Variants in FHIT observed in about 807,000 individuals in gnomAD.
FHIT encodes bis(5'-adenosyl)-triphosphatase.
FHIT carries 19 observed loss-of-function variants against 17.9 expected under a neutral mutation model. The ratio of observed to expected loss-of-function variants is 1.06; its 90% confidence interval spans 0.74 to 1.56. The LOEUF (loss-of-function observed/expected upper bound fraction) is 1.56, where lower values mean the gene tolerates loss of function less well. Ranked by LOEUF, FHIT falls within the 40% of genes most tolerant of loss-of-function variation. The pLI is 0.00. For synonymous variants in FHIT, 81 were observed against 69.7 expected (o/e 1.16, Z -0.81); for missense variants, 248 against 189.2 (o/e 1.31, Z -1.82).
At chr3:60,323,520 T>C (rs920812453) in intron 5 of FHIT, among the ~76,000 whole-genome samples, 1 of 152,076 alleles carries the variant, frequency 6.6e-6, no homozygotes, top group Admixed American at 6.5e-5. Context: ...AACATCGCCC[T>C]GCAGGCTGGA....
At chr3:60,670,405 T>C (rs568677086) in intron 4 of FHIT, among the ~76,000 whole-genome samples, 2 of 152,326 alleles carry the variant, frequency 1.3e-5, no homozygotes, top group Non-Finnish European at 2.9e-5. Context: ...TGGGATAACC[T>C]TCTTTATTTC....
intron 5 of FHIT, among the ~76,000 whole-genome samples, chr3:60,458,051 A>G (rs1196242180): frequency 1.3e-5 from 2 of 152,196 alleles, no homozygotes; most frequent in African/African-American, 2.4e-5. Context: ...CAGAACTAGA[A>G]ATACCATTTG....
chr3:61,088,004 T>C (rs1255696115), intron 2 of FHIT, among the ~76,000 whole-genome samples: 2 of 152,190 alleles, frequency 1.3e-5, no homozygotes, highest in Admixed American at 6.5e-5. Flanking sequence ...TCTAGAGCAC[T>C]GCTATTTGAA....
intron 5 of FHIT, among the ~76,000 whole-genome samples, chr3:60,322,623 T>G (rs1407394598): frequency 6.6e-6 from 1 of 152,200 alleles, no homozygotes; most frequent in Non-Finnish European, 1.5e-5. Flanking sequence ...TTGTAACACC[T>G]CACCCAGAAT....
At chr3:60,047,034 C>A (rs571891090) in intron 5 of FHIT, among the ~76,000 whole-genome samples, 4 of 152,156 alleles carry the variant, frequency 2.6e-5, no homozygotes, top group African/African-American at 9.7e-5. Context: ...GTGAAGGTAA[C>A]CAACTTAAAT....
intron 4 of FHIT, among the ~76,000 whole-genome samples, chr3:60,624,336 G>A (rs1553679990): frequency 6.6e-6 from 1 of 152,188 alleles, no homozygotes; most frequent in African/African-American, 2.4e-5. Flanking sequence ...CACATATTTG[G>A]CAAGATTTGG....
chr3:60,285,005 A>T (rs1342704517), intron 5 of FHIT, among the ~76,000 whole-genome samples: 1 of 152,138 alleles, frequency 6.6e-6, no homozygotes, highest in African/African-American at 2.4e-5. Context: ...ACTGAAGTTT[A>T]TGGTTTAATT....
chr3:60,038,245 T>C (rs1466474465), intron 5 of FHIT, among the ~76,000 whole-genome samples: 4 of 152,222 alleles, frequency 2.6e-5, no homozygotes, highest in African/African-American at 7.2e-5. Flanking sequence ...GCTATAGTTA[T>C]TGATCTGAAT....
At chr3:60,072,098 G>A (rs1226008194) in intron 5 of FHIT, among the ~76,000 whole-genome samples, 2 of 152,198 alleles carry the variant, frequency 1.3e-5, no homozygotes, top group African/African-American at 4.8e-5. Flanking sequence ...TGAAGGACAT[G>A]AGGTAGGAAG....
chr3:60,579,598 CACATATAT>C (rs2037688247), intron 4 of FHIT, among the ~76,000 whole-genome samples: 1 of 152,096 alleles, frequency 6.6e-6, no homozygotes, highest in Non-Finnish European at 1.5e-5. Context: ...TATACATATA[CACATATAT>C]ACCTATATAT....
intron 5 of FHIT, among the ~76,000 whole-genome samples, chr3:60,382,702 C>A (rs1017223739): frequency 1.3e-5 from 2 of 152,108 alleles, no homozygotes; most frequent in Non-Finnish European, 2.9e-5. Flanking sequence ...TTTTTACCCC[C>A]ACTTAGGAAT....
chr3:60,672,518 A>G (rs2107844787), intron 4 of FHIT, among the ~76,000 whole-genome samples: 1 of 152,278 alleles, frequency 6.6e-6, no homozygotes, highest in African/African-American at 2.4e-5. Context: ...TTCTTTTGTG[A>G]TGGAATGTCA....
chr3:59,869,500 T>TTTTTTTTTTTTTTTTTA (rs1553701528), intron 8 of FHIT, among the ~76,000 whole-genome samples: 1 of 145,818 alleles, frequency 6.9e-6, no homozygotes, highest in Non-Finnish European at 1.5e-5. Flanking sequence ...TTTTTTTTTT[T>TTTTTTTTTTTTTTTTTA]AGACAGAGTC....
At chr3:60,936,456 G>A (rs1708194320) in intron 3 of FHIT, among the ~76,000 whole-genome samples, 1 of 152,134 alleles carries the variant, frequency 6.6e-6, no homozygotes, top group Non-Finnish European at 1.5e-5. Context: ...GTGAAATGAC[G>A]AATACATTAG....
chr3:61,213,096 A>C (rs1055715477), intron 1 of FHIT, among the ~76,000 whole-genome samples: 4 of 152,214 alleles, frequency 2.6e-5, no homozygotes, highest in African/African-American at 9.6e-5. Context: ...AACTGCATCA[A>C]CTAACGAGCA....
chr3:60,931,029 C>T (rs1403319363), intron 3 of FHIT, among the ~76,000 whole-genome samples: 9 of 152,194 alleles, frequency 5.9e-5, no homozygotes, highest in African/African-American at 2.2e-4. Flanking sequence ...GAATACTATG[C>T]AGCCATAAAA....
At chr3:59,750,409 A>G (rs1040810804) in intron 9 of FHIT, 1 of 224,352 alleles carries the variant, frequency 4.5e-6, no homozygotes, top group African/African-American at 2.2e-5. Flanking sequence ...GGCACTCTAA[A>G]ATGACATACT....
At chr3:60,039,456 T>C (rs140928225) in intron 5 of FHIT, among the ~76,000 whole-genome samples, 3 of 152,226 alleles carry the variant, frequency 2.0e-5, no homozygotes, top group African/African-American at 7.2e-5. Context: ...AGCTAGGTGA[T>C]GGAAAAATAC....
At chr3:59,863,742 G>A (rs1226290230) in intron 8 of FHIT, among the ~76,000 whole-genome samples, 3 of 152,166 alleles carry the variant, frequency 2.0e-5, no homozygotes, top group Admixed American at 6.5e-5. Context: ...TCTTATAAAG[G>A]ATAAAAAAAG....
Sources: gnomAD v4.1 joint callset for allele counts (sites outside exome capture counted in the v4.1 genomes callset) on GRCh38, gnomAD v4.1.1 for gene constraint, MANE v1.5 for transcripts, NCBI Gene and HGNC (gene_info 2026-07-23, HGNC 2026-07-21) for gene names.